Variants in TPRG1 observed in about 807,000 individuals in gnomAD.
TPRG1 encodes the protein tumor protein p63 regulated 1, also known as tumor protein p63-regulated gene 1 protein.
Under a neutral mutation model 29.3 loss-of-function variants are expected in TPRG1, and 29 were observed. The observed-to-expected ratio is 0.99, with a 90% confidence interval of 0.74 to 1.35. TPRG1 has a LOEUF of 1.35. Among genes scored for constraint, TPRG1 ranks in the 40% most tolerant of loss-of-function variants. The pLI is 0.00. For synonymous variants in TPRG1, 130 were observed against 116.8 expected, an observed-to-expected ratio of 1.11 and a Z score of -0.73; for missense variants, 327 against 335.0, an observed-to-expected ratio of 0.98 and a Z score of 0.19.
Position 189,310,624 on chromosome 3 carries a change from CAAAATAAAATAAAATAAAAT to C in TPRG1, c.633+110_633+129del, listed in dbSNP as rs201735894. The C allele has an allele frequency of 2.4e-4, 111 of 470,392 alleles. 1 individual carries two copies. Among genetic ancestry groups the C allele is most frequent in the Admixed American group, 1.0e-3 (29 of 27,738 alleles). The allele number at this position is 470,392 out of a possible 1,614,324, so 29.1% of individuals were successfully genotyped here. ...TAGGGACGTGTACTCCTAAACAAAA[CAAAATAAAATAAAATAAAAT>C]AAAATAAAATAAAATAAAATAAAAC... On this transcript the variant is annotated intron_variant, in intron 5 of 5. Coordinates refer to ENST00000345063, the MANE Select transcript of TPRG1 (RefSeq NM_198485.4).
intron 1 of TPRG1, among the ~76,000 whole-genome samples, chr3:189,106,597 C>T (rs959940174): frequency 2.6e-5 from 4 of 152,106 alleles, no homozygotes; most frequent in Non-Finnish European, 5.9e-5. Context: ...CAGTGCCTGG[C>T]AGAGAGGCTG....
intron 4 of TPRG1, among the ~76,000 whole-genome samples, chr3:189,025,465 C>T (rs1369537227): frequency 1.3e-5 from 2 of 152,210 alleles, no homozygotes; most frequent in Non-Finnish European, 2.9e-5. Flanking sequence ...GCTGTATTTA[C>T]TTGCTCCCTT....
chr3:189,053,519 C>A lies in TPRG1; in HGVS notation c.-463+29573C>A, dbSNP rs545996361. On this transcript the variant is annotated intron_variant, in intron 4 of 10. Coordinates refer to the TPRG1 transcript ENST00000433971. ...AATAAGATGCCAGACCCCGCACCCA[C>A]CATGATTGCCTAAGTGACCTTCCAC... Among the ~76,000 whole-genome samples the A allele has an allele frequency of 2.6e-5, 4 of 152,310 alleles. No individual in the cohort carries two copies. The East Asian group carries it at 7.7e-4, about 29-fold the overall frequency.
chr3:189,215,386 G>T lies in TPRG1; in HGVS notation c.302+3G>T. 1 of 1,610,546 alleles carries T rather than the reference G, an allele frequency of 6.2e-7. No homozygotes were observed. Among genetic ancestry groups the T allele is most frequent in the South Asian group, 1.1e-5 (1 of 90,302 alleles). On this transcript the variant is annotated splice_donor_region_variant and intron_variant, in intron 3 of 5. Coordinates refer to ENST00000345063, the MANE Select transcript of TPRG1 (RefSeq NM_198485.4). ...CAAGGCTTCTGGCTCTTGACAAAGT[G>T]AGTAGTCACAGCTAAGTGAAGGGCC...
intron 5 of TPRG1, among the ~76,000 whole-genome samples, chr3:189,312,596 C>T (rs780518294): frequency 8.5e-5 from 13 of 152,070 alleles, no homozygotes; most frequent in Admixed American, 7.2e-4. Flanking sequence ...CCTGAATGCC[C>T]TTTGCAGGAA....
intron 3 of TPRG1, among the ~76,000 whole-genome samples, chr3:189,218,357 C>T (rs982800371): frequency 6.6e-6 from 1 of 152,104 alleles, no homozygotes; most frequent in Non-Finnish European, 1.5e-5. Context: ...ACCTCGTGAT[C>T]CGCCTGCCTC....
At chr3:189,164,025 T>G (rs1727834600) in intron 5 of TPRG1, among the ~76,000 whole-genome samples, 1 of 152,100 alleles carries the variant, frequency 6.6e-6, no homozygotes, top group South Asian at 2.1e-4. Flanking sequence ...TATACCTACA[T>G]GCATTTTACT....
At chr3:189,032,737 T>TCCCTCCC (rs1220662572) in intron 4 of TPRG1, among the ~76,000 whole-genome samples, 3 of 117,304 alleles carry the variant, frequency 2.6e-5, no homozygotes, top group Non-Finnish European at 5.3e-5. Context: ...CCTAATGCTA[T>TCCCTCCC]CCCTCCCCCC....
At chr3:189,204,297 C>T (rs1047409962) in intron 1 of TPRG1, among the ~76,000 whole-genome samples, 17 of 151,950 alleles carry the variant, frequency 1.1e-4, no homozygotes, top group African/African-American at 2.7e-4. Flanking sequence ...TAGCATTTCA[C>T]GGAATACAGC....
intron 3 of TPRG1, among the ~76,000 whole-genome samples, chr3:189,011,441 T>G (rs573318981): frequency 6.6e-6 from 1 of 152,218 alleles, no homozygotes; most frequent in South Asian, 2.1e-4. Flanking sequence ...AATGGGCAAT[T>G]TACAAAAGAA....
intron 1 of TPRG1, among the ~76,000 whole-genome samples, chr3:189,112,550 G>A (rs1720660665): frequency 2.0e-5 from 3 of 152,134 alleles, no homozygotes; most frequent in Admixed American, 1.3e-4. Flanking sequence ...ATTAATTTTT[G>A]TATAAGGTGT....
chr3:189,221,747 G>A (rs1736970304), intron 3 of TPRG1, among the ~76,000 whole-genome samples: 1 of 152,214 alleles, frequency 6.6e-6, no homozygotes, highest in South Asian at 2.1e-4. Context: ...GTGACACTGT[G>A]TGTGGTCGCT....
At chr3:189,194,490 C>G (rs1440456650) in intron 1 of TPRG1, among the ~76,000 whole-genome samples, 1 of 152,176 alleles carries the variant, frequency 6.6e-6, no homozygotes, top group Non-Finnish European at 1.5e-5. Flanking sequence ...AGTTTTCTCT[C>G]TTTGGCTGGT....
At chr3:189,050,947 G>A (rs1310276378) in intron 4 of TPRG1, among the ~76,000 whole-genome samples, 1 of 152,098 alleles carries the variant, frequency 6.6e-6, no homozygotes, top group African/African-American at 2.4e-5. Context: ...TGTAATAAAA[G>A]CCATCTATGA....
intron 1 of TPRG1, among the ~76,000 whole-genome samples, chr3:189,112,713 C>G (rs1181339166): frequency 6.6e-6 from 1 of 152,136 alleles, no homozygotes; most frequent in Non-Finnish European, 1.5e-5. Flanking sequence ...TCTGAGGGCT[C>G]TGTTCTGTTC....
chr3:189,014,616 G>A (rs1488049112), intron 3 of TPRG1, among the ~76,000 whole-genome samples: 3 of 152,060 alleles, frequency 2.0e-5, no homozygotes, highest in African/African-American at 7.2e-5. Flanking sequence ...CTGAATCATG[G>A]GGGAAATCTT....
intron 4 of TPRG1, among the ~76,000 whole-genome samples, chr3:189,149,508 G>A (rs934360621): frequency 2.0e-5 from 3 of 152,188 alleles, no homozygotes; most frequent in African/African-American, 7.2e-5. Flanking sequence ...TGCCACCAGA[G>A]GAGAGATGTT....
At chr3:189,191,067 T>A in intron 1 of TPRG1, 1 of 686,418 alleles carries the variant, frequency 1.5e-6, no homozygotes, top group Non-Finnish European at 1.8e-6. Flanking sequence ...GTTGTAGCAG[T>A]TCACACGTAA....
intron 1 of TPRG1, among the ~76,000 whole-genome samples, chr3:189,107,626 CTGT>C (rs1486732864): frequency 1.3e-5 from 2 of 152,120 alleles, no homozygotes; most frequent in East Asian, 3.8e-4. Context: ...TTGGTAGTGT[CTGT>C]TGTTCATTCA....
Sources: gnomAD v4.1 joint callset for allele counts (sites outside exome capture counted in the v4.1 genomes callset) on GRCh38, gnomAD v4.1.1 for gene constraint, MANE v1.5 for transcripts, NCBI Gene and HGNC (gene_info 2026-07-23, HGNC 2026-07-21) for gene names.